Variants in CFAP95 observed in about 807,000 individuals in gnomAD.
CFAP95 encodes the protein cilia- and flagella-associated protein 95.
At chr9:69,857,509 A>G in the CFAP95 span, among the ~76,000 whole-genome samples, 1 of 152,114 alleles carries the variant, frequency 6.6e-6, no homozygotes, top group Non-Finnish European at 1.5e-5. Flanking sequence ...TAAAAATCTA[A>G]CCCTAAATTA....
At chr9:69,855,440 C>T in the CFAP95 span, among the ~76,000 whole-genome samples, 1 of 152,142 alleles carries the variant, frequency 6.6e-6, no homozygotes, top group Admixed American at 6.5e-5. Flanking sequence ...CTAATTTTTT[C>T]TCAAAAGATT....
chr9:69,837,071 TA>T, the CFAP95 span, among the ~76,000 whole-genome samples: 1 of 150,936 alleles, frequency 6.6e-6, no homozygotes, highest in East Asian at 1.9e-4. Context: ...CATCATTTTT[TA>T]TGGCTGCATA....
At chr9:69,854,755 G>A in the CFAP95 span, among the ~76,000 whole-genome samples, 1 of 152,212 alleles carries the variant, frequency 6.6e-6, no homozygotes, top group Non-Finnish European at 1.5e-5. Flanking sequence ...AGGAGAGGGA[G>A]CTTGGACATT....
the CFAP95 span, among the ~76,000 whole-genome samples, chr9:69,865,932 C>G: frequency 6.6e-6 from 1 of 152,152 alleles, no homozygotes; most frequent in Non-Finnish European, 1.5e-5. Context: ...TTGGTTTCAT[C>G]ATTATCTGAA....
At chr9:69,870,648 T>C in the CFAP95 span, among the ~76,000 whole-genome samples, 3 of 152,196 alleles carry the variant, frequency 2.0e-5, no homozygotes, top group Non-Finnish European at 4.4e-5. Flanking sequence ...TTATGGACTG[T>C]GGCATGGCCA....
the CFAP95 span, among the ~76,000 whole-genome samples, chr9:69,892,279 G>A: frequency 6.6e-6 from 1 of 152,244 alleles, no homozygotes; most frequent in East Asian, 1.9e-4. Flanking sequence ...GTGTCTGATG[G>A]CTAAGTTGTT....
chr9:69,870,096 A>G, the CFAP95 span, among the ~76,000 whole-genome samples: 1 of 152,186 alleles, frequency 6.6e-6, no homozygotes, highest in Non-Finnish European at 1.5e-5. Context: ...TTATTACCCA[A>G]ACATATAAAT....
At chr9:69,820,839 G>A in the CFAP95 span, 2 of 1,600,588 alleles carry the variant, frequency 1.2e-6, no homozygotes, top group Non-Finnish European at 1.7e-6. Flanking sequence ...CAGGACAGGT[G>A]CATAGGGAAC....
chr9:69,857,880 T>A, the CFAP95 span: 1 of 1,607,774 alleles, frequency 6.2e-7, no homozygotes, highest in Non-Finnish European at 8.5e-7. Context: ...CTCTAACAAG[T>A]TTTCTAAAAA....
the CFAP95 span, among the ~76,000 whole-genome samples, chr9:69,891,672 T>C: frequency 6.6e-6 from 1 of 152,270 alleles, no homozygotes; most frequent in African/African-American, 2.4e-5. Flanking sequence ...TAAAAGCTTT[T>C]TAAAAAGAAA....
chr9:69,861,615 T>C, the CFAP95 span, among the ~76,000 whole-genome samples: 1 of 151,802 alleles, frequency 6.6e-6, no homozygotes, highest in Non-Finnish European at 1.5e-5. Context: ...AGGCCTTTGC[T>C]GACTTAGGAT....
chr9:69,879,022 T>C, the CFAP95 span, among the ~76,000 whole-genome samples: 2 of 152,262 alleles, frequency 1.3e-5, no homozygotes, highest in East Asian at 1.9e-4. Flanking sequence ...ATTATGACGA[T>C]GGCACCAGGC....
At chr9:69,867,104 G>A in the CFAP95 span, among the ~76,000 whole-genome samples, 12 of 152,242 alleles carry the variant, frequency 7.9e-5, no homozygotes, top group Non-Finnish European at 1.8e-4. Context: ...GGGATATCTG[G>A]TGTTAGTATT....
At chr9:69,834,392 T>C in the CFAP95 span, among the ~76,000 whole-genome samples, 2 of 152,172 alleles carry the variant, frequency 1.3e-5, no homozygotes, top group Non-Finnish European at 2.9e-5. Flanking sequence ...CAGTCCCGTT[T>C]TTCACCACTC....
At chr9:69,900,847 A>G in the CFAP95 span, among the ~76,000 whole-genome samples, 1 of 152,188 alleles carries the variant, frequency 6.6e-6, no homozygotes, top group East Asian at 1.9e-4. Context: ...TCCAACAGAA[A>G]TGGGGGCCAG....
At chr9:69,874,798 A>G in the CFAP95 span, among the ~76,000 whole-genome samples, 4 of 152,344 alleles carry the variant, frequency 2.6e-5, no homozygotes, top group South Asian at 8.3e-4. Flanking sequence ...AGCCACGAGT[A>G]GGGATGGGAG....
At chr9:69,892,568 C>T in the CFAP95 span, among the ~76,000 whole-genome samples, 3 of 152,240 alleles carry the variant, frequency 2.0e-5, no homozygotes, top group South Asian at 4.1e-4. Flanking sequence ...TAGAAGAGGG[C>T]GATCTCCAGT....
chr9:69,830,244 T>C, the CFAP95 span, among the ~76,000 whole-genome samples: 1 of 152,186 alleles, frequency 6.6e-6, no homozygotes, highest in Non-Finnish European at 1.5e-5. Flanking sequence ...CCATATGTCT[T>C]TCCCTGGACC....
chr9:69,825,424 T>G, the CFAP95 span, among the ~76,000 whole-genome samples: 60 of 152,328 alleles, frequency 3.9e-4, no homozygotes, highest in East Asian at 0.011. Context: ...CGTGATAAAG[T>G]AATATCTCCA....
Sources: gnomAD v4.1 joint callset for allele counts (sites outside exome capture counted in the v4.1 genomes callset) on GRCh38, gnomAD v4.1.1 for gene constraint, MANE v1.5 for transcripts, NCBI Gene and HGNC (gene_info 2026-07-23, HGNC 2026-07-21) for gene names.